KLF8: variants seen among roughly 807,000 people sequenced by gnomAD.
KLF8 encodes Krueppel-like factor 8.
In KLF8, 10 loss-of-function variants were observed where a neutral mutation model predicts 18.2. The ratio of observed to expected loss-of-function variants is 0.55; its 90% CI spans 0.34 to 0.93. KLF8 has a LOEUF of 0.93. KLF8 is among the 40% of genes least tolerant of loss of function. The probability of loss-of-function intolerance (pLI) is 0.02; values close to 1 mark genes in which losing one functional copy is unlikely to be tolerated. For synonymous variants in KLF8, 109 were observed against 97.3 expected (o/e 1.12, Z -0.71); for missense variants, 264 against 277.9 (o/e 0.95, Z 0.36).
At chrX:56,063,673 G>T in the KLF8 span, among the ~76,000 whole-genome samples, 1 of 111,714 alleles carries the variant, frequency 9.0e-6, no homozygotes, top group Non-Finnish European at 1.9e-5. Context: ...CTTAGTGGAG[G>T]TCAAGTGCTG....
At chrX:56,011,931 C>A in the KLF8 span, among the ~76,000 whole-genome samples, 1 of 111,223 alleles carries the variant, frequency 9.0e-6, no homozygotes, top group African/African-American at 3.3e-5. Flanking sequence ...CTGAATAGAC[C>A]AATAACAAGT....
the KLF8 span, among the ~76,000 whole-genome samples, chrX:56,073,514 T>C: frequency 1.8e-5 from 2 of 111,212 alleles, no homozygotes; most frequent in Admixed American, 1.9e-4. Flanking sequence ...ATGCCTGGAG[T>C]GCAATTGCTG....
At chrX:56,030,885 G>T in the KLF8 span, among the ~76,000 whole-genome samples, 3 of 109,628 alleles carry the variant, frequency 2.7e-5, no homozygotes, top group South Asian at 4.1e-4. Context: ...TAGTACTGCT[G>T]CTGCCTGTCC....
the KLF8 span, among the ~76,000 whole-genome samples, chrX:56,188,978 A>G: frequency 8.9e-6 from 1 of 111,954 alleles, no homozygotes; most frequent in African/African-American, 3.2e-5. Flanking sequence ...TTCATGTCTA[A>G]AACACCAAAA....
the KLF8 span, among the ~76,000 whole-genome samples, chrX:55,956,229 A>G: frequency 5.5e-5 from 6 of 109,045 alleles, no homozygotes; most frequent in Admixed American, 2.0e-4. Context: ...CTATCTGTCT[A>G]TATGCTATTT....
At chrX:56,051,097 C>T in the KLF8 span, among the ~76,000 whole-genome samples, 1 of 110,276 alleles carries the variant, frequency 9.1e-6, no homozygotes, top group Non-Finnish European at 1.9e-5. Context: ...CAACCCCTGC[C>T]TTTTTTTGTT....
At chrX:56,083,958 A>G in the KLF8 span, among the ~76,000 whole-genome samples, 1 of 111,976 alleles carries the variant, frequency 8.9e-6, no homozygotes, top group Non-Finnish European at 1.9e-5. Context: ...TTTGGGGACC[A>G]CTGATCTAGA....
At chrX:56,101,840 T>C in the KLF8 span, among the ~76,000 whole-genome samples, 1 of 112,007 alleles carries the variant, frequency 8.9e-6, no homozygotes, top group Non-Finnish European at 1.9e-5. Flanking sequence ...CTTATGCATT[T>C]GGATATTGGA....
chrX:55,992,491 G>T, the KLF8 span, among the ~76,000 whole-genome samples: 1 of 111,790 alleles, frequency 8.9e-6, no homozygotes, highest in African/African-American at 3.3e-5. Flanking sequence ...TGCTGTTTTG[G>T]TTACTGTAGC....
At chrX:56,186,186 C>A in the KLF8 span, among the ~76,000 whole-genome samples, 6 of 111,254 alleles carry the variant, frequency 5.4e-5, no homozygotes, top group Middle Eastern at 4.2e-3. Flanking sequence ...GGAAGATCTA[C>A]CAAGCAAATG....
At chrX:56,276,139 C>A in intron 5 of KLF8, among the ~76,000 whole-genome samples, 1 of 109,713 alleles carries the variant, frequency 9.1e-6, no homozygotes, top group Non-Finnish European at 1.9e-5. Context: ...ACCTGCCCCC[C>A]GCCCCCGCAC....
chrX:56,177,451 G>A, the KLF8 span, among the ~76,000 whole-genome samples: 1 of 110,756 alleles, frequency 9.0e-6, no homozygotes, highest in African/African-American at 3.3e-5. Flanking sequence ...TTGCCTGATC[G>A]TTTTTCTGGA....
the KLF8 span, among the ~76,000 whole-genome samples, chrX:56,160,860 C>G: frequency 2.7e-5 from 3 of 111,341 alleles, no homozygotes; most frequent in Non-Finnish European, 1.9e-5. Context: ...CAGTCTGTGT[C>G]TTTTAATTGG....
intron 5 of KLF8, among the ~76,000 whole-genome samples, chrX:56,284,069 T>G (rs1396797499): frequency 8.9e-6 from 1 of 112,356 alleles, no homozygotes; most frequent in African/African-American, 3.2e-5. Context: ...ATAGGTAATA[T>G]GTATGTTAAT....
chrX:55,947,581 T>C, the KLF8 span, among the ~76,000 whole-genome samples: 8 of 109,994 alleles, frequency 7.3e-5, no homozygotes, highest in Admixed American at 7.7e-4. Context: ...GGCACATGCA[T>C]ACATATGTAA....
chrX:56,162,376 A>G, the KLF8 span, among the ~76,000 whole-genome samples: 1 of 112,172 alleles, frequency 8.9e-6, no homozygotes. Flanking sequence ...GCTGTAGTCT[A>G]CAGAGGCAGG....
the KLF8 span, among the ~76,000 whole-genome samples, chrX:56,073,371 A>G: frequency 4.5e-5 from 5 of 112,149 alleles, no homozygotes; most frequent in South Asian, 1.1e-3. Flanking sequence ...CATTTTATGT[A>G]TATAACACAT....
the KLF8 span, among the ~76,000 whole-genome samples, chrX:56,078,567 C>T: frequency 8.9e-6 from 1 of 111,871 alleles, no homozygotes; most frequent in Admixed American, 9.5e-5. Flanking sequence ...AGGATTTTTG[C>T]ATCAATGTTC....
At chrX:55,985,876 A>G in the KLF8 span, among the ~76,000 whole-genome samples, 1 of 110,471 alleles carries the variant, frequency 9.1e-6, no homozygotes, top group East Asian at 2.8e-4. Context: ...CCTGGGTATT[A>G]TATTCTTTTT....
Sources: allele counts gnomAD v4.1 joint callset (sites outside exome capture counted in the v4.1 genomes callset), GRCh38; gene constraint gnomAD v4.1.1; transcripts MANE v1.5; gene names NCBI Gene and HGNC (gene_info 2026-07-23, HGNC 2026-07-21).